The following TMCO5A variants were observed in gnomAD, a reference collection of about 807,000 sequenced individuals.
The protein encoded by TMCO5A is transmembrane and coiled-coil domain-containing protein 5A.
In TMCO5A, 34 loss-of-function variants were observed where a neutral mutation model predicts 42.3. That is an observed-to-expected ratio of 0.80 (90% CI 0.61 to 1.07). The LOEUF is 1.07. TMCO5A is among the 50% of genes least tolerant of loss of function. TMCO5A has a pLI of 0.00. For synonymous variants in TMCO5A, 131 were observed against 115.6 expected (o/e 1.13, Z -0.86); for missense variants, 357 against 327.9 (o/e 1.09, Z -0.69).
At chr15:37,993,241 T>C in the TMCO5A span, among the ~76,000 whole-genome samples, 1 of 152,124 alleles carries the variant, frequency 6.6e-6, no homozygotes, top group Admixed American at 6.5e-5. Flanking sequence ...TGTTTTTTTT[T>C]AAATGGGGGC....
At chr15:37,975,980 C>T in the TMCO5A span, among the ~76,000 whole-genome samples, 3 of 1,954 alleles carry the variant, frequency 1.5e-3, no homozygotes, top group African/African-American at 3.2e-3. Flanking sequence ...TGGGGCCTCA[C>T]GCCTGTAATC....
chr15:38,003,322 T>G, the TMCO5A span, among the ~76,000 whole-genome samples: 1 of 151,966 alleles, frequency 6.6e-6, no homozygotes, highest in East Asian at 1.9e-4. Context: ...CTACCACAAC[T>G]GGGATTGTGC....
At chr15:37,942,078 C>T (rs1889765784) in intron 8 of TMCO5A, 113 bp from the exon 9 acceptor site, 1 of 943,752 alleles carries the variant, frequency 1.1e-6, no homozygotes, top group Non-Finnish European at 1.6e-6. Context: ...GAGAAAGTGG[C>T]AGTGGGAATA....
chr15:37,937,399 G>T lies in TMCO5A; in HGVS notation c.315+3G>T. On this transcript the variant is annotated splice_donor_region_variant and intron_variant, in intron 5 of 11. Coordinates refer to ENST00000319669, the MANE Select transcript of TMCO5A (RefSeq NM_152453.4). ...GTATAACAGAACTTCAACAAAAGGTGAGGTAGGGTACTTGTGTTCTCCAGT... is the reference window on the plus strand; with the variant it reads ...GTATAACAGAACTTCAACAAAAGGTTAGGTAGGGTACTTGTGTTCTCCAGT... 6.2e-7 allele frequency: 1 copy of T among 1,613,002 alleles called. No individual in the cohort carries two copies. The highest frequency in any genetic ancestry group is 8.5e-7 in the Non-Finnish European group (1 of 1,179,292).
At chr15:38,006,417 A>G in the TMCO5A span, among the ~76,000 whole-genome samples, 17 of 152,210 alleles carry the variant, frequency 1.1e-4, no homozygotes, top group Admixed American at 8.5e-4. Context: ...GATTGGTTGG[A>G]GAATTTGTAA....
the TMCO5A span, among the ~76,000 whole-genome samples, chr15:38,017,554 C>A: frequency 2.0e-5 from 3 of 152,126 alleles, no homozygotes; most frequent in Non-Finnish European, 4.4e-5. Context: ...CTCAGTGGTA[C>A]AGGAAAGGCT....
At chr15:38,031,851 C>T in the TMCO5A span, among the ~76,000 whole-genome samples, 1 of 152,174 alleles carries the variant, frequency 6.6e-6, no homozygotes, top group South Asian at 2.1e-4. Context: ...TGCCATAGCC[C>T]ACTGCCCCTT....
At chr15:38,018,221 TAATAGACAACA>T in the TMCO5A span, among the ~76,000 whole-genome samples, 1 of 152,026 alleles carries the variant, frequency 6.6e-6, no homozygotes, top group Admixed American at 6.6e-5. Context: ...TGGTAAACAG[TAATAGACAACA>T]AAGAAGAAAG....
At chr15:37,972,217 C>G (rs1890687736), downstream of TMCO5A, among the ~76,000 whole-genome samples, 1 of 152,174 alleles carries the variant, frequency 6.6e-6, no homozygotes, top group South Asian at 2.1e-4. Flanking sequence ...GAGAAGAGAG[C>G]TTGCTCATGG....
chr15:38,035,360 C>T, the TMCO5A span, among the ~76,000 whole-genome samples: 1 of 152,122 alleles, frequency 6.6e-6, no homozygotes, highest in Admixed American at 6.5e-5. Flanking sequence ...CTTATATATG[C>T]CTAAACTATA....
the TMCO5A span, among the ~76,000 whole-genome samples, chr15:37,988,663 A>G: frequency 6.6e-6 from 1 of 152,012 alleles, no homozygotes; most frequent in Non-Finnish European, 1.5e-5. Flanking sequence ...CAATTTTCAC[A>G]TGTTGGACCA....
downstream of TMCO5A, among the ~76,000 whole-genome samples, chr15:37,971,214 G>C (rs1890667326): frequency 6.6e-6 from 1 of 152,164 alleles, no homozygotes; most frequent in African/African-American, 2.4e-5. Flanking sequence ...CTCAATTCTT[G>C]ACTTCTGTGC....
At chr15:38,034,777 A>G in the TMCO5A span, among the ~76,000 whole-genome samples, 1 of 152,182 alleles carries the variant, frequency 6.6e-6, no homozygotes, top group African/African-American at 2.4e-5. Context: ...TGGACACACC[A>G]TGCCTAAATA....
the TMCO5A span, chr15:37,984,886 T>C: frequency 6.6e-6 from 1 of 151,948 alleles, no homozygotes; most frequent in South Asian, 2.1e-4. Flanking sequence ...TATTTTGTTA[T>C]AGCAGGAGAA....
At chr15:37,959,749 T>C (rs187009600) in intron 11 of TMCO5A, among the ~76,000 whole-genome samples, 1 of 152,088 alleles carries the variant, frequency 6.6e-6, no homozygotes, top group African/African-American at 2.4e-5. Context: ...AAGGAAAAAC[T>C]GAAAGCCTTT....
intron 11 of TMCO5A, 80 bp from the exon 12 acceptor site, chr15:37,950,956 T>C: frequency 2.5e-6 from 3 of 1,222,982 alleles, no homozygotes; most frequent in Non-Finnish European, 3.5e-6. Context: ...AGGAGCCAGA[T>C]ATGCATTCAG....
intron 11 of TMCO5A, among the ~76,000 whole-genome samples, chr15:37,961,165 T>C (rs781613309): frequency 2.6e-5 from 4 of 152,184 alleles, no homozygotes; most frequent in East Asian, 3.8e-4. Flanking sequence ...AGAATTTTTA[T>C]AGTTTCAGGT....
chr15:38,002,418 C>T, the TMCO5A span, among the ~76,000 whole-genome samples: 1 of 151,954 alleles, frequency 6.6e-6, no homozygotes, highest in Non-Finnish European at 1.5e-5. Flanking sequence ...ATATACTTTC[C>T]ACCCTGGTAT....
Position 37,937,413 on chromosome 15 carries a change from G to A in TMCO5A, c.315+17G>A. 1 of 1,612,692 alleles carries A rather than the reference G, an allele frequency of 6.2e-7. No individual in the cohort carries two copies. Among genetic ancestry groups the A allele is most frequent in the Non-Finnish European group, 8.5e-7 (1 of 1,179,100 alleles). ...CAACAAAAGGTGAGGTAGGGTACTT[G>A]TGTTCTCCAGTGCCCCCACAACAGC... On this transcript the variant is annotated intron_variant, in intron 5 of 11. Transcript: ENST00000319669.
Sources: allele counts gnomAD v4.1 joint callset (sites outside exome capture counted in the v4.1 genomes callset), GRCh38; gene constraint gnomAD v4.1.1; transcripts MANE v1.5; gene names NCBI Gene and HGNC (gene_info 2026-07-23, HGNC 2026-07-21).